The following KHDRBS2 variants were observed in gnomAD, a reference collection of about 807,000 sequenced individuals.
KHDRBS2 encodes the protein KH domain-containing, RNA-binding, signal transduction-associated protein 2.
A neutral mutation model predicts 44.3 loss-of-function variants in KHDRBS2; 26 were observed. That is an observed-to-expected ratio of 0.59 (90% CI 0.43 to 0.81). KHDRBS2 has a LOEUF of 0.81. Among genes scored for constraint, KHDRBS2 ranks in the 40% least tolerant of loss-of-function variants. The probability of loss-of-function intolerance (pLI) is 0.00; values close to 1 mark genes in which losing one functional copy is unlikely to be tolerated. For synonymous variants in KHDRBS2, 194 were observed against 151.1 expected, an observed-to-expected ratio of 1.28 and a Z score of -2.08; for missense variants, 476 against 433.1, an observed-to-expected ratio of 1.10 and a Z score of -0.88.
chr6:62,091,430 C>T (rs1799480954), intron 2 of KHDRBS2, among the ~76,000 whole-genome samples: 2 of 152,076 alleles, frequency 1.3e-5, no homozygotes, highest in South Asian at 4.1e-4. Context: ...CTACAAATCC[C>T]TTGGCGTTTA....
the KHDRBS2 span, among the ~76,000 whole-genome samples, chr6:61,598,837 CTTTTTTT>C: frequency 6.1e-5 from 4 of 65,516 alleles, no homozygotes; most frequent in Non-Finnish European, 1.3e-4. Flanking sequence ...TTTTTCTTTT[CTTTTTTT>C]TTTTTTTTTT....
intron 1 of KHDRBS2, among the ~76,000 whole-genome samples, chr6:62,180,327 A>G (rs902189714): frequency 2.0e-5 from 3 of 151,934 alleles, no homozygotes; most frequent in Non-Finnish European, 2.9e-5. Context: ...ATTAGAACTA[A>G]TAAGTGAATT....
At chr6:61,570,846 A>C in the KHDRBS2 span, among the ~76,000 whole-genome samples, 41 of 152,260 alleles carry the variant, frequency 2.7e-4, no homozygotes, top group African/African-American at 9.6e-4. Context: ...GGAGAGATAA[A>C]GCCTTTTTCA....
intron 1 of KHDRBS2, among the ~76,000 whole-genome samples, chr6:62,220,318 T>C (rs751659016): frequency 5.3e-5 from 8 of 151,854 alleles, no homozygotes; most frequent in South Asian, 4.1e-4. Flanking sequence ...TGAGAGTGCA[T>C]AGATGAAAGG....
chr6:62,012,426 G>T (rs1780472590), intron 3 of KHDRBS2, among the ~76,000 whole-genome samples: 1 of 152,102 alleles, frequency 6.6e-6, no homozygotes, highest in Non-Finnish European at 1.5e-5. Context: ...CTAAACAGGA[G>T]AAAGCTGTGT....
chr6:61,690,084 A>G (rs1204123), intron 8 of KHDRBS2, among the ~76,000 whole-genome samples: 30,033 of 151,742 alleles, frequency 0.2, 3,529 homozygotes, highest in South Asian at 0.33. Context: ...TTTCAGACCA[A>G]CGTATTTTGT....
chr6:61,951,971 G>A (rs1764845771), intron 4 of KHDRBS2, among the ~76,000 whole-genome samples: 1 of 151,938 alleles, frequency 6.6e-6, no homozygotes, highest in Admixed American at 6.6e-5. Context: ...TAGACCAAGA[G>A]CTAAACTGTT....
chr6:62,267,772 T>C (rs1428451529), intron 1 of KHDRBS2, among the ~76,000 whole-genome samples: 4 of 152,022 alleles, frequency 2.6e-5, no homozygotes, highest in East Asian at 1.9e-4. Flanking sequence ...TTGATAAAAG[T>C]ATAAAAAGAT....
intron 2 of KHDRBS2, among the ~76,000 whole-genome samples, chr6:62,058,630 A>T (rs919957897): frequency 1.3e-5 from 2 of 151,940 alleles, no homozygotes; most frequent in African/African-American, 4.8e-5. Context: ...TCAGGTATTC[A>T]TAGTACCAAT....
At chr6:61,743,425 G>A (rs891410343) in intron 6 of KHDRBS2, among the ~76,000 whole-genome samples, 4 of 151,930 alleles carry the variant, frequency 2.6e-5, no homozygotes, top group Admixed American at 2.6e-4. Flanking sequence ...CTCTCTAGTT[G>A]CTTTACTAAA....
the KHDRBS2 span, among the ~76,000 whole-genome samples, chr6:61,608,431 TTC>T: frequency 3.0e-4 from 46 of 152,108 alleles, no homozygotes; most frequent in African/African-American, 1.1e-3. Context: ...TTAATTTTTT[TTC>T]TTTTTTTCTT....
At chr6:61,753,578 G>C (rs1165891517) in intron 6 of KHDRBS2, among the ~76,000 whole-genome samples, 3 of 152,090 alleles carry the variant, frequency 2.0e-5, no homozygotes, top group Non-Finnish European at 4.4e-5. Context: ...TCATATGTGT[G>C]TAGTGTTCGA....
the KHDRBS2 span, among the ~76,000 whole-genome samples, chr6:61,564,394 T>A: frequency 1.3e-5 from 2 of 152,100 alleles, no homozygotes; most frequent in Non-Finnish European, 2.9e-5. Flanking sequence ...AATAATGATT[T>A]ATGTTAGCTC....
At chr6:61,983,090 A>T (rs1473293577) in intron 3 of KHDRBS2, among the ~76,000 whole-genome samples, 1 of 152,046 alleles carries the variant, frequency 6.6e-6, no homozygotes, top group Non-Finnish European at 1.5e-5. Flanking sequence ...CAAAAAAAAA[A>T]TTGGAAACTC....
the KHDRBS2 span, among the ~76,000 whole-genome samples, chr6:61,638,731 A>T: frequency 6.6e-6 from 1 of 152,186 alleles, no homozygotes; most frequent in Non-Finnish European, 1.5e-5. Context: ...GAGAATTTAT[A>T]GTTCAACATA....
At chr6:62,200,544 C>T (rs538192250) in intron 1 of KHDRBS2, among the ~76,000 whole-genome samples, 1 of 152,306 alleles carries the variant, frequency 6.6e-6, no homozygotes, top group Non-Finnish European at 1.5e-5. Flanking sequence ...GATACCATCT[C>T]ACACCAGTTA....
intron 1 of KHDRBS2, among the ~76,000 whole-genome samples, chr6:62,241,419 T>C (rs903625923): frequency 4.6e-5 from 7 of 152,324 alleles, no homozygotes; most frequent in South Asian, 2.1e-4. Flanking sequence ...AAGCACTAAA[T>C]AGTTCATTTA....
intron 2 of KHDRBS2, among the ~76,000 whole-genome samples, chr6:62,063,504 T>C (rs989494743): frequency 2.6e-5 from 4 of 151,318 alleles, no homozygotes; most frequent in Admixed American, 2.6e-4. Context: ...TAATCCAGCA[T>C]ATAAACAGAG....
intron 1 of KHDRBS2, among the ~76,000 whole-genome samples, chr6:62,203,812 G>GGT (rs1827466694): frequency 2.0e-5 from 3 of 152,106 alleles, no homozygotes; most frequent in Non-Finnish European, 4.4e-5. Context: ...CTATACTTTT[G>GGT]ATGTTTGTCC....
Sources: allele counts gnomAD v4.1 joint callset (sites outside exome capture counted in the v4.1 genomes callset), GRCh38; gene constraint gnomAD v4.1.1; transcripts MANE v1.5; gene names NCBI Gene and HGNC (gene_info 2026-07-23, HGNC 2026-07-21).